KCNQ5: variants seen among roughly 807,000 people sequenced by gnomAD.
KCNQ5 encodes the protein potassium voltage-gated channel subfamily Q member 5.
KCNQ5 carries 30 observed loss-of-function variants against 98.2 expected under a neutral mutation model. The ratio of observed to expected loss-of-function variants is 0.31; its 90% CI spans 0.23 to 0.41. The LOEUF is 0.41. KCNQ5 is among the 10% of genes least tolerant of loss of function. KCNQ5 has a pLI of 1.00. For synonymous variants in KCNQ5, 458 were observed against 449.4 expected, an observed-to-expected ratio of 1.02 and a Z score of -0.24; for missense variants, 835 against 1,182.5, an observed-to-expected ratio of 0.71 and a Z score of 4.31.
chr6:72,664,009 G>A (rs1035742971), intron 1 of KCNQ5, among the ~76,000 whole-genome samples: 3 of 152,104 alleles, frequency 2.0e-5, no homozygotes, highest in Admixed American at 1.3e-4. Flanking sequence ...TCATGACCTT[G>A]TTTCCTTCCT....
chr6:72,693,787 C>T (rs939251417), intron 1 of KCNQ5, among the ~76,000 whole-genome samples: 5 of 152,164 alleles, frequency 3.3e-5, no homozygotes, highest in Non-Finnish European at 7.4e-5. Flanking sequence ...GAGAGAGACA[C>T]TTATATTAGC....
At chr6:72,715,066 T>C (rs12197962) in intron 1 of KCNQ5, among the ~76,000 whole-genome samples, 19,697 of 152,252 alleles carry the variant, frequency 0.13, 1,350 homozygotes, top group South Asian at 0.18. Flanking sequence ...GTTCCTGTCA[T>C]AAATTGTCTT....
chr6:72,671,038 A>G (rs781576865), intron 1 of KCNQ5, among the ~76,000 whole-genome samples: 1 of 152,182 alleles, frequency 6.6e-6, no homozygotes, highest in Non-Finnish European at 1.5e-5. Context: ...CCAAGTTTTT[A>G]TAACCTGCTG....
chr6:72,857,413 A>G (rs1013323196), intron 1 of KCNQ5, among the ~76,000 whole-genome samples: 4 of 152,164 alleles, frequency 2.6e-5, no homozygotes, highest in African/African-American at 9.7e-5. Context: ...TTCAATTTTC[A>G]GGCATTTTCA....
intron 5 of KCNQ5, among the ~76,000 whole-genome samples, chr6:73,102,921 C>G (rs79154431): frequency 6.6e-6 from 1 of 152,110 alleles, no homozygotes; most frequent in Non-Finnish European, 1.5e-5. Flanking sequence ...AAAAATAGAG[C>G]TACCATGTGA....
At chr6:72,676,451 G>A (rs1199026906) in intron 1 of KCNQ5, among the ~76,000 whole-genome samples, 3 of 152,166 alleles carry the variant, frequency 2.0e-5, no homozygotes, top group African/African-American at 7.2e-5. Flanking sequence ...AGATGTTTCC[G>A]TTGTATGGTA....
chr6:73,140,952 C>T (rs1015786007), intron 10 of KCNQ5, among the ~76,000 whole-genome samples: 4 of 152,192 alleles, frequency 2.6e-5, no homozygotes, highest in African/African-American at 7.2e-5. Flanking sequence ...CTAAGATCTG[C>T]TTCTCCTATT....
chr6:73,008,880 C>T (rs1480674082), intron 2 of KCNQ5, among the ~76,000 whole-genome samples: 1 of 152,144 alleles, frequency 6.6e-6, no homozygotes, highest in Non-Finnish European at 1.5e-5. Flanking sequence ...ATGGATACCA[C>T]ACAAAGATGG....
intron 1 of KCNQ5, among the ~76,000 whole-genome samples, chr6:72,883,611 G>T (rs1434653453): frequency 6.6e-6 from 1 of 152,160 alleles, no homozygotes; most frequent in Non-Finnish European, 1.5e-5. Flanking sequence ...GCATTTGCAA[G>T]GAACAGTGAG....
rs1768828059 is a variant in KCNQ5, at chr6:72,987,278, G to A, written c.399-16630G>A. 61 of 692,142 alleles carry A rather than the reference G, an allele frequency of 8.8e-5. 1 individual carries two copies. The highest frequency in any genetic ancestry group is 7.2e-4 in the South Asian group (53 of 73,828). The allele number at this position is 692,142 out of a possible 1,614,324, so 42.9% of individuals were successfully genotyped here. ...ACCCTTGGAAGGAGGAAACAGAGAC[G>A]GACTTAGAGGTGGTGTTGGAAAAGA... On this transcript the variant is annotated intron_variant, in intron 1 of 13. Transcript: ENST00000370398.
chr6:72,715,996 A>T (rs937367426), intron 1 of KCNQ5, among the ~76,000 whole-genome samples: 1 of 152,170 alleles, frequency 6.6e-6, no homozygotes, highest in African/African-American at 2.4e-5. Context: ...GCCAGTGATA[A>T]TATTATAGAG....
intron 1 of KCNQ5, among the ~76,000 whole-genome samples, chr6:72,887,861 C>G (rs1369782502): frequency 6.6e-6 from 1 of 151,906 alleles, no homozygotes; most frequent in Non-Finnish European, 1.5e-5. Context: ...TTTTTAAAAG[C>G]ACAAATATAC....
At chr6:73,175,687 G>A (rs1282445400) in intron 11 of KCNQ5, among the ~76,000 whole-genome samples, 3 of 152,244 alleles carry the variant, frequency 2.0e-5, no homozygotes, top group East Asian at 1.9e-4. Context: ...TTGAAAAATA[G>A]GTCTTGAGCT....
At chr6:72,669,888 T>C (rs1345775512) in intron 1 of KCNQ5, among the ~76,000 whole-genome samples, 2 of 151,168 alleles carry the variant, frequency 1.3e-5, no homozygotes, top group Non-Finnish European at 2.9e-5. Flanking sequence ...CTTAGTGTTC[T>C]CTTCAAAACA....
In KCNQ5 at chr6:73,195,588, A is replaced by C; in HGVS notation, c.*174A>C. ...TGAAAATGCATGTTTAGGGATGGCT[A>C]AAATTCCAAGGTGCATCGACATTAA... On this transcript the variant is annotated 3_prime_UTR_variant, in exon 14 of 14. Coordinates refer to ENST00000370398, the MANE Select transcript of KCNQ5 (RefSeq NM_019842.4). 1.2e-6 allele frequency: 1 copy of C among 823,652 alleles called. No individual in the cohort carries two copies. Among genetic ancestry groups the C allele is most frequent in the Non-Finnish European group, 1.8e-6 (1 of 541,742 alleles). 51.0% of individuals were successfully genotyped at this position (823,652 alleles called of 1,614,324 possible).
At chr6:73,000,427 C>T (rs1769509172) in intron 1 of KCNQ5, among the ~76,000 whole-genome samples, 1 of 152,194 alleles carries the variant, frequency 6.6e-6, no homozygotes, top group Non-Finnish European at 1.5e-5. Context: ...TTGGTCTGCA[C>T]TGTCAGGATA....
chr6:73,173,154 T>A (rs1180024962), intron 11 of KCNQ5, among the ~76,000 whole-genome samples: 1 of 152,208 alleles, frequency 6.6e-6, no homozygotes, highest in Non-Finnish European at 1.5e-5. Flanking sequence ...AAACTTAGTT[T>A]TGTATATTTC....
At position 72,861,261 on chromosome 6, in the gene KCNQ5, A is replaced by G. The variant is rs193182025; in HGVS notation, c.399-142647A>G. Among the ~76,000 whole-genome samples, 35 of 152,338 alleles carry G rather than the reference A, an allele frequency of 2.3e-4. No individual in the cohort carries two copies. The East Asian group carries it at 6.7e-3, about 29-fold the overall frequency. On this transcript the variant is annotated intron_variant, in intron 1 of 13. Coordinates refer to ENST00000370398, the MANE Select transcript of KCNQ5 (RefSeq NM_019842.4). ...AAAACAGGTGGTTGTAACTATGCAG[A>G]CCAAGCAGCAAAATTCCAAATACAG...
At chr6:72,679,775 C>T (rs1302055095) in intron 1 of KCNQ5, among the ~76,000 whole-genome samples, 4 of 152,176 alleles carry the variant, frequency 2.6e-5, no homozygotes, top group Non-Finnish European at 5.9e-5. Context: ...CATGGTGGCT[C>T]ACGTCTGTAA....
Sources: allele counts gnomAD v4.1 joint callset (sites outside exome capture counted in the v4.1 genomes callset), GRCh38; gene constraint gnomAD v4.1.1; transcripts MANE v1.5; gene names NCBI Gene and HGNC (gene_info 2026-07-23, HGNC 2026-07-21).